Variants in PAX5 observed in about 807,000 individuals in gnomAD.
The protein encoded by PAX5 is paired box 5, also known as paired box protein Pax-5.
PAX5 carries 9 observed loss-of-function variants against 43.7 expected under a neutral mutation model. The observed-to-expected ratio is 0.21, with a 90% CI of 0.12 to 0.36. The LOEUF is 0.36. PAX5 is among the 10% of genes least tolerant of loss of function. PAX5 has a pLI of 1.00. For synonymous variants in PAX5, 228 were observed against 214.3 expected (o/e 1.06, Z -0.56); for missense variants, 383 against 532.7 (o/e 0.72, Z 2.77).
chr9:36,859,948 T>A (rs1051373427), intron 8 of PAX5, among the ~76,000 whole-genome samples: 1 of 151,166 alleles, frequency 6.6e-6, no homozygotes, highest in African/African-American at 2.4e-5. Flanking sequence ...GGCAGGAGAA[T>A]GGTGTGAACC....
At chr9:36,873,028 G>A (rs551572059) in intron 8 of PAX5, among the ~76,000 whole-genome samples, 2 of 152,246 alleles carry the variant, frequency 1.3e-5, no homozygotes, top group East Asian at 1.9e-4. Context: ...GGCTTCTCAC[G>A]CACTGGTCCC....
intron 6 of PAX5, among the ~76,000 whole-genome samples, chr9:36,955,618 A>G (rs2132129752): frequency 6.6e-6 from 1 of 152,094 alleles, no homozygotes; most frequent in East Asian, 1.9e-4. Flanking sequence ...CTTTTGTCTC[A>G]ACATCAGCAT....
At chr9:37,032,747 A>T (rs2132582160) in intron 1 of PAX5, among the ~76,000 whole-genome samples, 1 of 152,326 alleles carries the variant, frequency 6.6e-6, no homozygotes, top group Non-Finnish European at 1.5e-5. Flanking sequence ...CTAGTGAGTG[A>T]AAGAGGCCCC....
At chr9:36,923,765 C>T (rs190730777) in intron 6 of PAX5, among the ~76,000 whole-genome samples, 2 of 152,306 alleles carry the variant, frequency 1.3e-5, no homozygotes, top group Admixed American at 1.3e-4. Flanking sequence ...CTGCATGTTG[C>T]CCTCACCCAG....
rs77239730 is a variant in PAX5, at chr9:36,848,687, G to A, written c.1013-1758C>T. 4.9e-3 allele frequency among the ~76,000 whole-genome samples: 753 copies of A among 152,188 alleles called. 7 individuals carry two copies. Among genetic ancestry groups the A allele is most frequent in the African/African-American group, 0.017 (703 of 41,520 alleles). ...ATCAGAGGCACTTCTTGACAATGCC[G>A]AGCCCAGGGCATTGGGCTACTGTGG... On this transcript the variant is annotated intron_variant, in intron 8 of 9. Transcript: ENST00000358127.
rs532857521 is a variant in PAX5, at chr9:37,026,610, C to A, written c.47-5809G>T. 3 of 1,350,780 alleles carry A rather than the reference C, an allele frequency of 2.2e-6. No individual in the cohort carries two copies. The East Asian group carries it at 1.1e-4, about 49-fold the overall frequency. The allele number at this position is 1,350,780 out of a possible 1,614,324, so 83.7% of individuals were successfully genotyped here. ...CCAGACTGCAGGCCGGCCCACGCCG[C>A]CGCCTCCCGGCGCCAAGGGGCTGCC... On this transcript the variant is annotated intron_variant, in intron 1 of 9. Coordinates refer to ENST00000358127, the MANE Select transcript of PAX5 (RefSeq NM_016734.3).
Position 36,838,684 on chromosome 9 carries a change from G to A in PAX5, c.*1876C>T, listed in dbSNP as rs112741299. 1,104 of 233,074 alleles carry A rather than the reference G, an allele frequency of 4.7e-3. 11 individuals are homozygous for A. The highest frequency in any genetic ancestry group is 0.018 in the African/African-American group (820 of 45,424). The allele number at this position is 233,074 out of a possible 1,614,324, so 14.4% of individuals were successfully genotyped here. On this transcript the variant is annotated 3_prime_UTR_variant, in exon 10 of 10. Transcript: ENST00000358127. ...TTGGTCCAAATATTATTGGGCCTCAGGTGCCCACCCCCATCTGCTTGCTTG... is the reference window on the plus strand; with the variant it reads ...TTGGTCCAAATATTATTGGGCCTCAAGTGCCCACCCCCATCTGCTTGCTTG...
At chr9:36,931,634 A>G (rs893969798) in intron 6 of PAX5, among the ~76,000 whole-genome samples, 6 of 152,166 alleles carry the variant, frequency 3.9e-5, no homozygotes, top group African/African-American at 1.4e-4. Flanking sequence ...GGATCACCTG[A>G]GATCAGGAGT....
chr9:36,910,778 T>C (rs947805795), intron 7 of PAX5, among the ~76,000 whole-genome samples: 2 of 152,180 alleles, frequency 1.3e-5, no homozygotes, highest in African/African-American at 4.8e-5. Context: ...CAAGCCCTGA[T>C]GTGGAACTGA....
At chr9:36,970,208 GAGTGGCCTCCTGTGGGAGGAATCAGGGA>G (rs1467656752) in intron 5 of PAX5, among the ~76,000 whole-genome samples, 1 of 152,178 alleles carries the variant, frequency 6.6e-6, no homozygotes, top group Non-Finnish European at 1.5e-5. Context: ...ATGGAGAGGG[GAGTGGCCTCCTGTGGGAGGAATCAGGGA>G]AGTCTCCAAG....
intron 5 of PAX5, among the ~76,000 whole-genome samples, chr9:36,997,485 G>T (rs1316806463): frequency 6.6e-6 from 1 of 152,204 alleles, no homozygotes; most frequent in Non-Finnish European, 1.5e-5. Flanking sequence ...CAAAAGCCCA[G>T]GAAGGAACCC....
At chr9:37,026,702 G>A in intron 1 of PAX5, 1 of 1,292,936 alleles carries the variant, frequency 7.7e-7, no homozygotes, top group Non-Finnish European at 1.0e-6. Flanking sequence ...AAACACTGCT[G>A]GAGCTTCGGG....
intron 5 of PAX5, among the ~76,000 whole-genome samples, chr9:36,994,452 A>G (rs1588170204): frequency 6.6e-6 from 1 of 151,706 alleles, no homozygotes; most frequent in Non-Finnish European, 1.5e-5. Context: ...TACCCTACCC[A>G]CCTCTGGCCT....
chr9:36,987,939 A>G (rs1458860073), intron 5 of PAX5, among the ~76,000 whole-genome samples: 1 of 152,234 alleles, frequency 6.6e-6, no homozygotes, highest in Non-Finnish European at 1.5e-5. Context: ...CTTTTCAGAA[A>G]AGAGATGTTC....
Position 36,987,766 on chromosome 9 carries a change from G to A in PAX5, c.604+14882C>T, listed in dbSNP as rs532981050. 2.2e-4 allele frequency among the ~76,000 whole-genome samples: 33 copies of A among 152,350 alleles called. 1 individual carries two copies. In the South Asian group the frequency reaches 6.6e-3, roughly 31 times the overall value. On this transcript the variant is annotated intron_variant, in intron 5 of 9. Transcript: ENST00000358127. Reference sequence around the variant, plus strand: ...CCCACGAAGGAAGGCATTTGCTGGAGGAACCATAAATTAGGCCCCCAAACA... The same window carrying A: ...CCCACGAAGGAAGGCATTTGCTGGAAGAACCATAAATTAGGCCCCCAAACA...
intron 1 of PAX5, among the ~76,000 whole-genome samples, chr9:37,022,722 C>T (rs987147674): frequency 7.9e-5 from 12 of 152,156 alleles, no homozygotes; most frequent in African/African-American, 2.9e-4. Flanking sequence ...ATGGGAAAAC[C>T]CTAAAGGTCT....
At chr9:36,883,287 A>C (rs1328432359) in intron 7 of PAX5, among the ~76,000 whole-genome samples, 1 of 152,226 alleles carries the variant, frequency 6.6e-6, no homozygotes, top group East Asian at 1.9e-4. Context: ...GCAAATGTTC[A>C]GAAGATCAGT....
chr9:36,908,067 C>A, intron 7 of PAX5, among the ~76,000 whole-genome samples: 1 of 151,940 alleles, frequency 6.6e-6, no homozygotes, highest in African/African-American at 2.4e-5. Context: ...AGCATAGTGG[C>A]GTGCACCTGT....
chr9:36,982,256 T>C (rs1385197746), intron 5 of PAX5, among the ~76,000 whole-genome samples: 1 of 151,760 alleles, frequency 6.6e-6, no homozygotes, highest in Non-Finnish European at 1.5e-5. Context: ...AGAGCAAGAT[T>C]TCATCTCAAA....
Sources: gnomAD v4.1 joint callset for allele counts (sites outside exome capture counted in the v4.1 genomes callset) on GRCh38, gnomAD v4.1.1 for gene constraint, MANE v1.5 for transcripts, NCBI Gene and HGNC (gene_info 2026-07-23, HGNC 2026-07-21) for gene names.